FCRL2: variants seen among roughly 807,000 people sequenced by gnomAD.
FCRL2 encodes Fc receptor like 2.
FCRL2 carries 48 observed loss-of-function variants against 59.8 expected under a neutral mutation model. The ratio of observed to expected loss-of-function variants is 0.80; its 90% CI spans 0.64 to 1.02. The LOEUF is 1.02. FCRL2 is among the 50% of genes least tolerant of loss of function. FCRL2 has a pLI of 0.00. For synonymous variants in FCRL2, 251 were observed against 229.5 expected (o/e 1.09, Z -0.85); for missense variants, 658 against 597.3 (o/e 1.10, Z -1.06).
chr1:157,766,969 G>A lies in FCRL2; in HGVS notation c.1165C>T (p.Pro389Ser). ...SEAVPVSISG[P>S]DGYRRDLMTA... is the part of the protein sequence containing the mutation. Reference sequence around the variant, plus strand: ...ATGAGGTCTCTTCTATAGCCATCAGGTCCTGAGGAAAGAAAGCAGTGCTTC... The same window carrying A: ...ATGAGGTCTCTTCTATAGCCATCAGATCCTGAGGAAAGAAAGCAGTGCTTC... Residue 389 changes from proline (P) to serine (S), a missense_variant and splice_region_variant, in exon 7 of 12, where the codon CCT becomes TCT. Coordinates refer to ENST00000361516, the MANE Select transcript of FCRL2 (RefSeq NM_030764.4). The A allele has an allele frequency of 6.2e-7, 1 of 1,611,514 alleles. No individual in the cohort carries two copies. Among genetic ancestry groups the A allele is most frequent in the Non-Finnish European group, 8.5e-7 (1 of 1,179,246 alleles).
chr1:157,758,592 C>T (rs1228774328), intron 7 of FCRL2, among the ~76,000 whole-genome samples: 1 of 149,014 alleles, frequency 6.7e-6, no homozygotes, highest in Non-Finnish European at 1.5e-5. Flanking sequence ...TAGCAAACTA[C>T]CAATGACATT....
At chr1:157,765,575 C>T (rs528967144) in intron 7 of FCRL2, among the ~76,000 whole-genome samples, 1 of 152,318 alleles carries the variant, frequency 6.6e-6, no homozygotes, top group South Asian at 2.1e-4. Context: ...GGGAGAAAAA[C>T]CTAACTTCTG....
At chr1:157,767,070 A>G (rs1649550601) in intron 6 of FCRL2, 99 bp from the exon 7 acceptor site, 5 of 1,337,414 alleles carry the variant, frequency 3.7e-6, no homozygotes, top group Non-Finnish European at 5.2e-6. Flanking sequence ...CAAGTAAGAG[A>G]TCATTGAAGT....
rs1426214017 is a variant in FCRL2, at chr1:157,777,107, A to C, written c.-34T>G. 3.1e-6 allele frequency: 5 copies of C among 1,614,076 alleles called. No homozygotes were observed. Among genetic ancestry groups the C allele is most frequent in the Non-Finnish European group, 4.2e-6 (5 of 1,179,970 alleles). On this transcript the variant is annotated 5_prime_UTR_variant, in exon 1 of 12. Transcript: ENST00000361516. The stretch of plus-strand genomic sequence containing the variant: ...AATCCAGCTATTTGAAAAGAGATGT[A>C]CTCTTGGTCACCAACTGGAGACTCT...
intron 6 of FCRL2, 90 bp from the exon 7 acceptor site, chr1:157,767,061 A>C: frequency 1.5e-6 from 2 of 1,360,370 alleles, no homozygotes; most frequent in African/African-American, 2.9e-5. Context: ...ATACAAATTC[A>C]AGTAAGAGAT....
At chr1:157,774,234 T>A (rs1650241257) in intron 2 of FCRL2, among the ~76,000 whole-genome samples, 1 of 152,212 alleles carries the variant, frequency 6.6e-6, no homozygotes, top group Admixed American at 6.5e-5. Flanking sequence ...AAAGACCTTT[T>A]CAGCTGCTCT....
chr1:157,766,774 C>T, intron 7 of FCRL2, 81 bp downstream of exon 7: 1 of 1,576,520 alleles, frequency 6.3e-7, no homozygotes, highest in Non-Finnish European at 8.6e-7. Flanking sequence ...TCTTTTCTCT[C>T]TTCTTTTTTT....
Position 157,767,309 on chromosome 1 carries a change from G to A in FCRL2, c.1084C>T (p.His362Tyr), listed in dbSNP as rs757860659. 10 of 1,614,222 alleles carry A rather than the reference G, an allele frequency of 6.2e-6. No homozygotes were observed. Among genetic ancestry groups the A allele is most frequent in the Non-Finnish European group, 8.5e-6 (10 of 1,180,042 alleles). ...ASFNLSLTAE[H>Y]SGNYSCEANN... is the part of the protein sequence containing the mutation. ...GCCTCACAGGAGTAGTTTCCAGAATGTTCTGCAGTCAAAGAGAGGTTGAAG... is the reference window on the plus strand; with the variant it reads ...GCCTCACAGGAGTAGTTTCCAGAATATTCTGCAGTCAAAGAGAGGTTGAAG... Residue 362 changes from histidine to tyrosine, a missense_variant, in exon 6 of 12, where the codon CAT (histidine) becomes TAT (tyrosine). Transcript: ENST00000361516.
In FCRL2 at chr1:157,777,043, C is replaced by T. The variant is rs1292730966; in HGVS notation, c.31G>A (p.Asp11Asn). 1 of 1,613,926 alleles carries T rather than the reference C, an allele frequency of 6.2e-7. No individual in the cohort carries two copies. Among genetic ancestry groups the T allele is most frequent in the Non-Finnish European group, 8.5e-7 (1 of 1,179,852 alleles). MLLWSLLVIF[D>N]AVTEQADSLT... ...TTCTCAGTCAAATTATTGAACTCAC[C>T]AAAGATGACCAGCAATGACCACAGC... The change falls in exon 1 of 12, where the codon GAT (aspartate) becomes AAT (asparagine). Residue 11 changes from aspartate to asparagine, a missense_variant and splice_region_variant. Physicochemically the swap from Asp to Asn is conservative, Grantham distance 23 (BLOSUM62 1). Coordinates refer to ENST00000361516, the MANE Select transcript of FCRL2 (RefSeq NM_030764.4).
In FCRL2 at chr1:157,770,135, G is replaced by A. The variant is rs1442257797; in HGVS notation, c.326C>T (p.Pro109Leu). 6.2e-7 allele frequency: 1 copy of A among 1,613,828 alleles called. No homozygotes were observed. ...KIKVQELFQR[P>L]VLTASSFQPI... ...CTGGAAGGAGCTGGCAGTCAGCACA[G>A]GACGTTGAAAGAGCTCTAGAGAGAA... Residue 109 changes from proline to leucine, a missense_variant, in exon 4 of 12, where the codon CCT becomes CTT. Physicochemically the swap from Pro to Leu is moderately conservative, Grantham distance 98. Coordinates refer to ENST00000361516, the MANE Select transcript of FCRL2 (RefSeq NM_030764.4).
intron 7 of FCRL2, among the ~76,000 whole-genome samples, chr1:157,761,609 C>A (rs1649108998): frequency 1.3e-5 from 2 of 151,754 alleles, no homozygotes; most frequent in Non-Finnish European, 2.9e-5. Flanking sequence ...ACCTTGTCTC[C>A]CCCAAAAGGC....
At chr1:157,751,631 C>A (rs1648194293) in intron 7 of FCRL2, among the ~76,000 whole-genome samples, 1 of 152,126 alleles carries the variant, frequency 6.6e-6, no homozygotes, top group Non-Finnish European at 1.5e-5. Context: ...TGGATCTGAG[C>A]CCTGTGGAAG....
chr1:157,771,239 G>A (rs1649998724), intron 2 of FCRL2, among the ~76,000 whole-genome samples: 1 of 152,148 alleles, frequency 6.6e-6, no homozygotes, highest in Non-Finnish European at 1.5e-5. Context: ...ATGAAGGAGT[G>A]TTCTGATAAA....
rs947173563 is a variant in FCRL2 at position 157,770,095 on chromosome 1, AC to A, written c.365del (p.Gly122ValfsTer3). The A allele has an allele frequency of 1.2e-6, 2 of 1,613,756 alleles. No homozygotes were observed. Among genetic ancestry groups the A allele is most frequent in the African/African-American group, 2.7e-5 (2 of 74,790 alleles). The part of the protein sequence containing the change: ...TASSFQPIEG[G>X]PVSLKCETRL... ...GGGTCTCACATTTCAGGCTCACTGGACCCCCTTCGATGGGCTGGAAGGAGCT... is the reference window on the plus strand; with the variant it reads ...GGGTCTCACATTTCAGGCTCACTGGACCCCTTCGATGGGCTGGAAGGAGCT... On this transcript the variant is annotated frameshift_variant, in exon 4 of 12. Coordinates refer to ENST00000361516, the MANE Select transcript of FCRL2 (RefSeq NM_030764.4). LOFTEE classifies it high-confidence loss of function.
intron 7 of FCRL2, among the ~76,000 whole-genome samples, chr1:157,752,370 G>A (rs923281035): frequency 6.6e-6 from 1 of 152,250 alleles, no homozygotes; most frequent in Non-Finnish European, 1.5e-5. Context: ...ATCCACATAA[G>A]ATGTGACTTG....
At chr1:157,752,981 G>A (rs764057885) in intron 7 of FCRL2, among the ~76,000 whole-genome samples, 1 of 152,100 alleles carries the variant, frequency 6.6e-6, no homozygotes, top group African/African-American at 2.4e-5. Flanking sequence ...GAACAACCTT[G>A]ATGGAATAAA....
At chr1:157,753,434 T>C (rs1477642385) in intron 7 of FCRL2, among the ~76,000 whole-genome samples, 1 of 152,230 alleles carries the variant, frequency 6.6e-6, no homozygotes, top group Admixed American at 6.5e-5. Flanking sequence ...TTACTTTTAC[T>C]GGTTTATTAC....
At chr1:157,768,315 C>T in intron 5 of FCRL2, 99 bp downstream of exon 5, 1 of 1,285,418 alleles carries the variant, frequency 7.8e-7, no homozygotes, top group South Asian at 1.4e-5. Flanking sequence ...TTCTCCACAG[C>T]ACTAATCCCT....
At position 157,766,927 on chromosome 1, in the gene FCRL2, AGAGAACT is replaced by A. The variant is rs1196264225; in HGVS notation, c.1200_1206del (p.Val401GlyfsTer66). 5 of 1,614,128 alleles carry A rather than the reference AGAGAACT, an allele frequency of 3.1e-6. No individual in the cohort carries two copies. The highest frequency in any genetic ancestry group is 4.2e-6 in the Non-Finnish European group (5 of 1,180,048). On this transcript the variant is annotated frameshift_variant, in exon 7 of 12. Transcript: ENST00000361516. LOFTEE classifies it high-confidence loss of function. ...AAACCAAGGACACCAAACAGTCCCCAGAGAACTCCAGCTGTCATGAGGTCTCTTCTAT... is the reference window on the plus strand; with the variant it reads ...AAACCAAGGACACCAAACAGTCCCCACCAGCTGTCATGAGGTCTCTTCTAT...
Sources: allele counts gnomAD v4.1 joint callset (sites outside exome capture counted in the v4.1 genomes callset), GRCh38; gene constraint gnomAD v4.1.1; transcripts MANE v1.5; gene names NCBI Gene and HGNC (gene_info 2026-07-23, HGNC 2026-07-21).